The following USH2A variants were observed in gnomAD, a reference collection of about 807,000 sequenced individuals.
USH2A encodes usherin.
A neutral mutation model predicts 538.9 loss-of-function variants in USH2A; 443 were observed. The ratio of observed to expected loss-of-function variants is 0.82; its 90% CI spans 0.76 to 0.89. The LOEUF (loss-of-function observed/expected upper bound fraction) is 0.89, where lower values mean the gene tolerates loss of function less well. Among genes scored for constraint, USH2A ranks in the 40% least tolerant of loss-of-function variants. USH2A has a pLI of 0.00. For missense variants in USH2A, 6,633 were observed against 6,324.8 expected, an observed-to-expected ratio of 1.05 and a Z score of -1.65; for synonymous variants, 2,413 against 2,273.5, an observed-to-expected ratio of 1.06 and a Z score of -1.75.
chr1:216,125,701 A>T (rs2033238479), intron 21 of USH2A, among the ~76,000 whole-genome samples: 1 of 152,174 alleles, frequency 6.6e-6, no homozygotes, highest in African/African-American at 2.4e-5. Context: ...TAAGAAACCA[A>T]ATTTCAGGAC....
chr1:215,855,097 C>T (rs944287948), intron 44 of USH2A, among the ~76,000 whole-genome samples: 7 of 152,074 alleles, frequency 4.6e-5, no homozygotes, highest in Non-Finnish European at 8.8e-5. Context: ...CTTTTTAACT[C>T]CTATATCAAT....
intron 10 of USH2A, among the ~76,000 whole-genome samples, chr1:216,289,645 T>C (rs1268812317): frequency 6.6e-6 from 1 of 152,146 alleles, no homozygotes. Flanking sequence ...ATACCACACT[T>C]CTAAAAAGCT....
intron 61 of USH2A, among the ~76,000 whole-genome samples, chr1:215,715,821 G>T (rs918727653): frequency 2.6e-5 from 4 of 152,174 alleles, no homozygotes; most frequent in African/African-American, 9.7e-5. Context: ...CATCATTAGA[G>T]CCATGGTTAA....
intron 27 of USH2A, 145 bp downstream of exon 27, chr1:216,077,944 A>T: frequency 1.0e-6 from 1 of 984,854 alleles, no homozygotes; most frequent in Non-Finnish European, 1.6e-6. Context: ...ATTAGTTTTT[A>T]AGGTTTAAAT....
At chr1:216,112,154 A>G (rs1278813985) in intron 21 of USH2A, among the ~76,000 whole-genome samples, 1 of 152,180 alleles carries the variant, frequency 6.6e-6, no homozygotes, top group African/African-American at 2.4e-5. Flanking sequence ...GTTGAAAGCT[A>G]ACCTGAAAAT....
intron 38 of USH2A, among the ~76,000 whole-genome samples, chr1:215,905,079 T>C (rs933454918): frequency 6.6e-6 from 1 of 152,112 alleles, no homozygotes; most frequent in Admixed American, 6.6e-5. Context: ...TAAAATGATT[T>C]ATTTACACAT....
chr1:215,910,071 T>C (rs748604952), intron 38 of USH2A, among the ~76,000 whole-genome samples: 1 of 151,990 alleles, frequency 6.6e-6, no homozygotes, highest in Non-Finnish European at 1.5e-5. Flanking sequence ...AAGACTATGA[T>C]TGAAATATTT....
intron 64 of USH2A, among the ~76,000 whole-genome samples, chr1:215,667,814 G>C (rs1378307146): frequency 6.6e-6 from 1 of 152,160 alleles, no homozygotes. Flanking sequence ...GATGGAATGA[G>C]TTGATTTAGA....
At chr1:216,073,057 A>G (rs903478976) in intron 28 of USH2A, 40 bp downstream of exon 28, 2 of 1,613,356 alleles carry the variant, frequency 1.2e-6, no homozygotes, top group Non-Finnish European at 1.7e-6. Flanking sequence ...GGGATGAATA[A>G]GAGACATGTA....
chr1:215,699,763 T>G (rs1382649825), intron 61 of USH2A, among the ~76,000 whole-genome samples: 1 of 152,232 alleles, frequency 6.6e-6, no homozygotes, highest in Non-Finnish European at 1.5e-5. Context: ...CAGAGATAAT[T>G]TGACTTCCTC....
At chr1:216,000,053 G>A (rs1668229942) in intron 33 of USH2A, among the ~76,000 whole-genome samples, 1 of 152,110 alleles carries the variant, frequency 6.6e-6, no homozygotes, top group Non-Finnish European at 1.5e-5. Flanking sequence ...AAGGGAATAA[G>A]AAGGTCCTGG....
At chr1:216,127,745 T>C (rs1386582387) in intron 21 of USH2A, among the ~76,000 whole-genome samples, 2 of 152,192 alleles carry the variant, frequency 1.3e-5, no homozygotes, top group Non-Finnish European at 2.9e-5. Flanking sequence ...TTTCAAAGGA[T>C]TCAAATTAAA....
intron 38 of USH2A, among the ~76,000 whole-genome samples, chr1:215,914,544 T>C (rs1276523151): frequency 1.3e-5 from 2 of 152,148 alleles, no homozygotes; most frequent in South Asian, 2.1e-4. Context: ...TCTTACATCA[T>C]TATTTATAAA....
chr1:215,693,866 A>G (rs1658703050), intron 61 of USH2A, among the ~76,000 whole-genome samples: 1 of 151,992 alleles, frequency 6.6e-6, no homozygotes, highest in Non-Finnish European at 1.5e-5. Flanking sequence ...ACCCTAAGAG[A>G]TTAGTGGCCT....
At position 216,065,112 on chromosome 1, in the gene USH2A, T is replaced by C. The variant is rs555781043; in HGVS notation, c.6049+4989A>G. 8.9e-4 allele frequency among the ~76,000 whole-genome samples: 136 copies of C among 152,316 alleles called. 1 individual carries two copies. Among genetic ancestry groups the C allele is most frequent in the African/African-American group, 3.2e-3 (135 of 41,570 alleles). On this transcript the variant is annotated intron_variant, in intron 30 of 71. Transcript: ENST00000307340. ...ACAATTGCTCAACAGTTTTCTGATT[T>C]TCTTCTCCCTATACATCACTACCAT... is the stretch of plus-strand genomic sequence containing the variant.
chr1:216,120,089 A>G (rs973625073), intron 21 of USH2A, among the ~76,000 whole-genome samples: 3 of 152,084 alleles, frequency 2.0e-5, no homozygotes, highest in African/African-American at 7.2e-5. Context: ...TCAGTCATCC[A>G]GGATTGCTTA....
Position 216,126,798 on chromosome 1 carries a change from G to T in USH2A, c.4628-29585C>A, listed in dbSNP as rs142657216. Among the ~76,000 whole-genome samples the T allele has an allele frequency of 3.8e-3, 574 of 152,174 alleles. 2 individuals are homozygous for T. Among genetic ancestry groups the T allele is most frequent in the African/African-American group, 0.013 (554 of 41,518 alleles). On this transcript the variant is annotated intron_variant, in intron 21 of 71. Transcript: ENST00000307340. ...TTTAAAGTTGAAGCCTTCATTCCAA[G>T]CAGTATTTCACTGGACCAATCAATG... is the stretch of plus-strand genomic sequence containing the variant.
rs201776608 is a variant in USH2A at position 215,630,877 on chromosome 1, AC to A, written c.15298-1843del. On this transcript the variant is annotated intron_variant, in intron 70 of 71. Coordinates refer to ENST00000307340, the MANE Select transcript of USH2A (RefSeq NM_206933.4). ...AAACAAACAAATTAAAAAAAAAAAA[AC>A]CTTGGTGAGTGGAAATTAATTGATT... Among the ~76,000 whole-genome samples the A allele has an allele frequency of 3.2e-3, 483 of 151,560 alleles. 10 individuals are homozygous for A. The highest frequency in any genetic ancestry group is 0.029 in the Admixed American group (443 of 15,218).
chr1:216,040,884 A>T (rs1387747337), intron 32 of USH2A, among the ~76,000 whole-genome samples: 3 of 152,044 alleles, frequency 2.0e-5, no homozygotes, highest in Non-Finnish European at 4.4e-5. Flanking sequence ...GGAAAAAAAG[A>T]TAAATGGCAC....
Sources: allele counts gnomAD v4.1 joint callset (sites outside exome capture counted in the v4.1 genomes callset), GRCh38; gene constraint gnomAD v4.1.1; transcripts MANE v1.5; gene names NCBI Gene and HGNC (gene_info 2026-07-23, HGNC 2026-07-21).